CEP89: variants seen among roughly 807,000 people sequenced by gnomAD.
CEP89 encodes the protein centrosomal protein of 89 kDa.
Under a neutral mutation model 97.6 loss-of-function variants are expected in CEP89, and 95 were observed. The observed-to-expected ratio is 0.97, with a 90% CI of 0.82 to 1.15. CEP89 has a LOEUF of 1.15. Among genes scored for constraint, CEP89 ranks in the 50% most tolerant of loss-of-function variants. CEP89 has a pLI of 0.00. For synonymous variants in CEP89, 354 were observed against 349.1 expected (o/e 1.01, Z -0.16); for missense variants, 869 against 947.7 (o/e 0.92, Z 1.09).
At chr19:32,967,798 C>T (rs972872269) in intron 1 of CEP89, among the ~76,000 whole-genome samples, 16 of 152,266 alleles carry the variant, frequency 1.1e-4, no homozygotes, top group African/African-American at 1.4e-4. Flanking sequence ...TTGCAGTGCT[C>T]GGAAATCATA....
At chr19:32,961,951 T>G (rs1971177729) in intron 2 of CEP89, among the ~76,000 whole-genome samples, 1 of 152,082 alleles carries the variant, frequency 6.6e-6, no homozygotes, top group Non-Finnish European at 1.5e-5. Context: ...GCTGCTGTTT[T>G]GTTTTAAATT....
chr19:32,930,211 A>G (rs1970443500), intron 9 of CEP89, among the ~76,000 whole-genome samples: 1 of 151,900 alleles, frequency 6.6e-6, no homozygotes, highest in Non-Finnish European at 1.5e-5. Context: ...TATTTTTAGC[A>G]TAGATGGGAA....
chr19:32,899,136 T>C (rs200380912), intron 16 of CEP89, among the ~76,000 whole-genome samples: 2 of 96,358 alleles, frequency 2.1e-5, no homozygotes, highest in Non-Finnish European at 2.2e-5. Flanking sequence ...TTAGCATTTT[T>C]TTTTTTTTTT....
At chr19:32,888,711 G>T (rs1243552391) in intron 16 of CEP89, among the ~76,000 whole-genome samples, 1 of 151,832 alleles carries the variant, frequency 6.6e-6, no homozygotes, top group Non-Finnish European at 1.5e-5. Context: ...CAGTACCTAA[G>T]ACTATTGTGT....
At chr19:32,966,225 C>A in intron 2 of CEP89, 135 bp downstream of exon 2, 1 of 428,676 alleles carries the variant, frequency 2.3e-6, no homozygotes, top group African/African-American at 2.0e-5. Flanking sequence ...ATTATGGAAT[C>A]GTGGTAAACA....
At chr19:32,881,508 A>G (rs1969280247) in intron 18 of CEP89, among the ~76,000 whole-genome samples, 1 of 152,092 alleles carries the variant, frequency 6.6e-6, no homozygotes, top group Admixed American at 6.6e-5. Flanking sequence ...CCAGCCTGGG[A>G]GACAGAGTGA....
intron 1 of CEP89, 32 bp downstream of exon 1, chr19:32,971,804 G>A (rs767261902): frequency 8.3e-5 from 132 of 1,581,054 alleles, no homozygotes; most frequent in Non-Finnish European, 1.0e-4. Flanking sequence ...GCCCCACAGA[G>A]CCCCACGCGC....
At chr19:32,915,209 A>G (rs1970095796) in intron 14 of CEP89, 128 bp downstream of exon 14, 1 of 873,858 alleles carries the variant, frequency 1.1e-6, no homozygotes, top group Non-Finnish European at 1.7e-6. Context: ...CTGTAATCCC[A>G]AAACTTTGAG....
rs1599701057 is a variant in CEP89 at position 32,878,553 on chromosome 19, A to C, written c.*609T>G. ...GCTGCAGATCTAGGAGCTGGAAGGC[A>C]GGCCTGCTCAGCAGGCCACCTACTC... On this transcript the variant is annotated 3_prime_UTR_variant, in exon 19 of 19. Coordinates refer to ENST00000305768, the MANE Select transcript of CEP89 (RefSeq NM_032816.5). The C allele has an allele frequency of 1.3e-5, 2 of 152,388 alleles. No individual in the cohort carries two copies. Among genetic ancestry groups the C allele is most frequent in the East Asian group, 3.9e-4 (2 of 5,180 alleles). The allele number at this position is 152,388 out of a possible 1,614,324, so 9.4% of individuals were successfully genotyped here.
chr19:32,937,534 A>C, intron 7 of CEP89, 97 bp downstream of exon 7: 3 of 1,060,780 alleles, frequency 2.8e-6, no homozygotes, highest in Non-Finnish European at 4.3e-6. Flanking sequence ...AACTAATACA[A>C]GAAAAAGAAA....
chr19:32,945,305 A>AG (rs1452655743), intron 5 of CEP89, among the ~76,000 whole-genome samples: 1 of 138,928 alleles, frequency 7.2e-6, no homozygotes, highest in Non-Finnish European at 1.6e-5. Flanking sequence ...AAAAAAAAAA[A>AG]GTACAGACCT....
chr19:32,909,148 G>C (rs1485566138), intron 14 of CEP89, among the ~76,000 whole-genome samples: 3 of 152,146 alleles, frequency 2.0e-5, no homozygotes, highest in Non-Finnish European at 4.4e-5. Flanking sequence ...GAAAGATTGG[G>C]CTTACTCAAG....
Position 32,915,452 on chromosome 19 carries a change from C to T in CEP89, c.1450G>A (p.Ala484Thr). 6.2e-7 allele frequency: 1 copy of T among 1,613,898 alleles called. No homozygotes were observed. The highest frequency in any genetic ancestry group is 8.5e-7 in the Non-Finnish European group (1 of 1,179,982). ...ATCTCCAGCTGTTCCCTGTTCTCCG[C>T]CAGCTCCTTTTCCTGGCCGTGGGTT... is the stretch of plus-strand genomic sequence containing the variant. ...AKTHGQEKEL[A>T]ENREQLEILR... Residue 484 changes from alanine (A) to threonine (T), a missense_variant, in exon 14 of 19, where the codon GCG becomes ACG. By Grantham distance (58) the Ala-to-Thr change is moderately conservative. Transcript: ENST00000305768.
At position 32,891,008 on chromosome 19, in the gene CEP89, G is replaced by A. The variant is rs12974972; in HGVS notation, c.1876-3167C>T. Among the ~76,000 whole-genome samples, 523 of 152,252 alleles carry A rather than the reference G, an allele frequency of 3.4e-3. 2 individuals carry two copies. The highest frequency in any genetic ancestry group is 0.02 in the Middle Eastern group (6 of 294). ...GGCGAGGCACCAGGTGGACCCAGTG[G>A]AGCAGCGGGTCCCCAGCACTCTACC... On this transcript the variant is annotated intron_variant, in intron 16 of 18. Transcript: ENST00000305768.
rs554642166 is a variant in CEP89 at position 32,905,184 on chromosome 19, A to G, written c.1566-3772T>C. On this transcript the variant is annotated intron_variant, in intron 14 of 18. Coordinates refer to ENST00000305768, the MANE Select transcript of CEP89 (RefSeq NM_032816.5). Reference sequence around the variant, plus strand: ...GTATTGTTTCCAATCTCAATAGGAAAGCTTTCAACATTTCCCTATTTGGTG... The same window carrying G: ...GTATTGTTTCCAATCTCAATAGGAAGGCTTTCAACATTTCCCTATTTGGTG... 1.7e-4 allele frequency among the ~76,000 whole-genome samples: 26 copies of G among 152,350 alleles called. 1 individual carries two copies. Among genetic ancestry groups the G allele is most frequent in the Admixed American group, 1.6e-3 (25 of 15,300 alleles).
rs368157591 is a variant in CEP89 at position 32,964,763 on chromosome 19, A to C, written c.146+1597T>G. Among the ~76,000 whole-genome samples the C allele has an allele frequency of 1.2e-3, 178 of 152,308 alleles. 1 individual carries two copies. Among genetic ancestry groups the C allele is most frequent in the East Asian group, 0.011 (57 of 5,188 alleles). ...GATGAGAGGTTGCCTGGGGATGAAC[A>C]GGAGCATGAAAGGTGGCAGAGAGGG... On this transcript the variant is annotated intron_variant, in intron 2 of 18. Transcript: ENST00000305768.
intron 14 of CEP89, among the ~76,000 whole-genome samples, chr19:32,905,524 A>G (rs1188212122): frequency 1.3e-5 from 2 of 151,822 alleles, no homozygotes; most frequent in Non-Finnish European, 2.9e-5. Context: ...TTTAATGATT[A>G]TAGGACTATT....
chr19:32,959,050 A>C (rs75146194), intron 3 of CEP89, among the ~76,000 whole-genome samples: 33,019 of 125,122 alleles, frequency 0.26, 3,800 homozygotes, highest in Admixed American at 0.37. Flanking sequence ...ACAAAACAAA[A>C]AAAAAAAAAA....
chr19:32,921,970 A>T (rs903829077), intron 12 of CEP89, among the ~76,000 whole-genome samples: 1 of 152,174 alleles, frequency 6.6e-6, no homozygotes, highest in Non-Finnish European at 1.5e-5. Context: ...ACTAAATATA[A>T]CATAGCTATT....
Sources: gnomAD v4.1 joint callset for allele counts (sites outside exome capture counted in the v4.1 genomes callset) on GRCh38, gnomAD v4.1.1 for gene constraint, MANE v1.5 for transcripts, NCBI Gene and HGNC (gene_info 2026-07-23, HGNC 2026-07-21) for gene names.